The following CCDC88A variants were observed in gnomAD, a reference collection of about 807,000 sequenced individuals.
CCDC88A encodes girdin.
In CCDC88A, 54 loss-of-function variants were observed where a neutral mutation model predicts 234.3. That is an observed-to-expected ratio of 0.23 (90% CI 0.19 to 0.29). The LOEUF is 0.29. Ranked by LOEUF, CCDC88A falls within the 10% of genes least tolerant of loss-of-function variation. The probability of loss-of-function intolerance (pLI) is 1.00; values close to 1 mark genes in which losing one functional copy is unlikely to be tolerated. For synonymous variants in CCDC88A, 753 were observed against 737.8 expected (o/e 1.02, Z -0.33); for missense variants, 1,832 against 2,123.4 (o/e 0.86, Z 2.70).
intron 5 of CCDC88A, among the ~76,000 whole-genome samples, chr2:55,369,993 G>T (rs1330557265): frequency 6.6e-6 from 1 of 151,814 alleles, no homozygotes; most frequent in Non-Finnish European, 1.5e-5. Flanking sequence ...AACATTAAAA[G>T]AAAAAAATTA....
At chr2:55,390,636 G>A (rs907186100) in intron 2 of CCDC88A, among the ~76,000 whole-genome samples, 7 of 152,226 alleles carry the variant, frequency 4.6e-5, no homozygotes, top group African/African-American at 1.7e-4. Context: ...TGGACAGCAG[G>A]TAATGCAAAG....
At chr2:55,374,241 G>T (rs118146858) in intron 4 of CCDC88A, among the ~76,000 whole-genome samples, 2,485 of 152,218 alleles carry the variant, frequency 0.016, 37 homozygotes, top group East Asian at 0.067. Flanking sequence ...TGGTGACCAC[G>T]CCTATAATTC....
chr2:55,291,884 ACTGT>A (rs1679481168), intron 31 of CCDC88A, 109 bp from the exon 32 acceptor site: 6 of 687,588 alleles, frequency 8.7e-6, no homozygotes, highest in South Asian at 4.1e-5. Context: ...GGAATCTGTA[ACTGT>A]CTGGGAAAAT....
In CCDC88A at chr2:55,290,845, A is replaced by G. The variant is rs1018745937; in HGVS notation, c.*355T>C. ...AATTCATAAAACAAATGATGAAAAA[A>G]GCAGATTGTTCTTGGAGTACTTCTT... On this transcript the variant is annotated 3_prime_UTR_variant, in exon 33 of 33. Coordinates refer to ENST00000436346, the MANE Select transcript of CCDC88A (RefSeq NM_001365480.1). 2.6e-5 allele frequency: 4 copies of G among 152,576 alleles called. No individual in the cohort carries two copies. The highest frequency in any genetic ancestry group is 9.6e-5 in the African/African-American group (4 of 41,460). The allele number at this position is 152,576 out of a possible 1,614,324, so 9.5% of individuals were successfully genotyped here. A position where few individuals can be genotyped will look rare whatever the true frequency, so the allele number is the denominator to read the frequency against.
rs1680044273 is a variant in CCDC88A at position 55,296,481 on chromosome 2, C to T, written c.4868G>A (p.Ser1623Asn). 6 of 1,614,226 alleles carry T rather than the reference C, an allele frequency of 3.7e-6. No homozygotes were observed. The South Asian group carries it at 6.6e-5, about 18-fold the overall frequency. The part of the protein sequence containing the change: ...NNQSRPQSHS[S>N]GEFSLLHDHE... Reference sequence around the variant, plus strand: ...GTCATGAAGCAGGCTAAATTCTCCACTGCTGTGGCTTTGTGGCCTGCTTTG... The same window carrying T: ...GTCATGAAGCAGGCTAAATTCTCCATTGCTGTGGCTTTGTGGCCTGCTTTG... Residue 1623 changes from serine to asparagine, a missense_variant, in exon 30 of 33, where the codon AGT becomes AAT. Physicochemically the swap from Ser to Asn is conservative, Grantham distance 46. This residue lies in a region of CCDC88A where 422 missense variants were observed against 416.5 expected (regional missense o/e 1.01). Coordinates refer to ENST00000436346, the MANE Select transcript of CCDC88A (RefSeq NM_001365480.1).
At chr2:55,348,111 G>A (rs915171944) in intron 9 of CCDC88A, among the ~76,000 whole-genome samples, 2 of 151,780 alleles carry the variant, frequency 1.3e-5, no homozygotes, top group Non-Finnish European at 2.9e-5. Context: ...ACAGGCGAGT[G>A]CCCCATTACG....
intron 8 of CCDC88A, among the ~76,000 whole-genome samples, chr2:55,351,346 G>GT (rs150857084): frequency 0.037 from 5,569 of 150,204 alleles, 222 homozygotes; most frequent in Admixed American, 0.12. Flanking sequence ...TTTTTTTCAG[G>GT]TTTTTTTTTT....
At chr2:55,406,828 C>T (rs1679670679) in intron 2 of CCDC88A, among the ~76,000 whole-genome samples, 2 of 152,080 alleles carry the variant, frequency 1.3e-5, no homozygotes, top group South Asian at 4.1e-4. Flanking sequence ...GGTCCTTCAC[C>T]ACCCAGGGAA....
rs548156479 is a variant in CCDC88A, at chr2:55,328,147, T to C, written c.2997+147A>G. 67 of 658,030 alleles carry C rather than the reference T, an allele frequency of 1.0e-4. No individual in the cohort carries two copies. In the African/African-American group the frequency reaches 1.1e-3, roughly 11 times the overall value. The allele number at this position is 658,030 out of a possible 1,614,324, so 40.8% of individuals were successfully genotyped here. On this transcript the variant is annotated intron_variant, in intron 17 of 32. Coordinates refer to ENST00000436346, the MANE Select transcript of CCDC88A (RefSeq NM_001365480.1). This position sits in a 1 kb window ranked among gnomAD's most constrained non-coding sequence, Gnocchi z 4.3. ...CATATTCATATGACAGAGATCTGTT[T>C]AAGAATATTCTCAAGTTTATGAAAA...
chr2:55,344,546 C>G (rs964231039), intron 10 of CCDC88A, 32 bp from the exon 11 acceptor site: 2 of 1,268,350 alleles, frequency 1.6e-6, no homozygotes, highest in East Asian at 2.5e-5. Context: ...GTGTTAATAT[C>G]TGTTAATTTT....
At position 55,291,382 on chromosome 2, in the gene CCDC88A, T is replaced by C. The variant is rs561438543; in HGVS notation, c.*36-218A>G. 7 of 184,586 alleles carry C rather than the reference T, an allele frequency of 3.8e-5. No homozygotes were observed. The South Asian group carries it at 9.0e-4, about 24-fold the overall frequency. 11.4% of individuals were successfully genotyped at this position (184,586 alleles called of 1,614,324 possible). A position where few individuals can be genotyped will look rare whatever the true frequency, so the allele number is the denominator to read the frequency against. ...CAAGAAAACTGTGGGGAAGTTGTATTCCTACCACAAAAGGCTTCAAACTAA... is the reference window on the plus strand; with the variant it reads ...CAAGAAAACTGTGGGGAAGTTGTATCCCTACCACAAAAGGCTTCAAACTAA... On this transcript the variant is annotated intron_variant, in intron 32 of 32. Transcript: ENST00000436346.
At chr2:55,308,126 G>T (rs1482782898) in intron 25 of CCDC88A, 1 of 152,248 alleles carries the variant, frequency 6.6e-6, no homozygotes, top group East Asian at 1.9e-4. Flanking sequence ...GTAGAGACGG[G>T]GTTTCTCCAT....
chr2:55,356,279 T>C (rs1288553448), intron 7 of CCDC88A: 1 of 152,456 alleles, frequency 6.6e-6, no homozygotes, highest in Middle Eastern at 3.4e-3. Flanking sequence ...ATTAGTTTGC[T>C]GAGGATAATG....
Position 55,288,509 on chromosome 2 carries a change from T to TA in CCDC88A, c.*2690dup, listed in dbSNP as rs1409166658. ...TAAACCATTAAGACAGCACAGGCTG[T>TA]AGTACTTCATTGTGAGGTGGCTACA... is the stretch of plus-strand genomic sequence containing the variant. On this transcript the variant is annotated 3_prime_UTR_variant, in exon 33 of 33. Coordinates refer to ENST00000436346, the MANE Select transcript of CCDC88A (RefSeq NM_001365480.1). The TA allele has an allele frequency of 6.5e-6, 1 of 152,678 alleles. No homozygotes were observed. The highest frequency in any genetic ancestry group is 1.5e-5 in the Non-Finnish European group (1 of 68,038). 9.5% of individuals were successfully genotyped at this position (152,678 alleles called of 1,614,324 possible). A position where few individuals can be genotyped will look rare whatever the true frequency, so the allele number is the denominator to read the frequency against.
Position 55,346,709 on chromosome 2 carries a change from C to T in CCDC88A, c.883-376G>A, listed in dbSNP as rs575269374. On this transcript the variant is annotated intron_variant, in intron 9 of 32. Coordinates refer to ENST00000436346, the MANE Select transcript of CCDC88A (RefSeq NM_001365480.1). ...TGCTGGGATTACAGGCGTAAGCCAC[C>T]GCACTCGGCTGATAAATTTACTTTA... is the stretch of plus-strand genomic sequence containing the variant. Among the ~76,000 whole-genome samples, 20 of 152,186 alleles carry T rather than the reference C, an allele frequency of 1.3e-4. No individual in the cohort carries two copies. In the South Asian group the frequency reaches 1.9e-3, roughly 14 times the overall value.
rs935954760 is a variant in CCDC88A at position 55,317,088 on chromosome 2, C to A, written c.3746+118G>T. The A allele has an allele frequency of 1.2e-5, 4 of 337,188 alleles. No homozygotes were observed. Among genetic ancestry groups the A allele is most frequent in the African/African-American group, 8.7e-5 (4 of 46,154 alleles). The allele number at this position is 337,188 out of a possible 1,614,324, so 20.9% of individuals were successfully genotyped here. On this transcript the variant is annotated intron_variant, in intron 21 of 32. Coordinates refer to ENST00000436346, the MANE Select transcript of CCDC88A (RefSeq NM_001365480.1). The surrounding 1 kb of genome is among the most constrained non-coding windows in gnomAD (Gnocchi z 4.2). Reference sequence around the variant, plus strand: ...AACTATGCTTGGTACTACAAAGGGGCAGTATATAGTTTGGATGTAAGAAAT... The same window carrying A: ...AACTATGCTTGGTACTACAAAGGGGAAGTATATAGTTTGGATGTAAGAAAT...
chr2:55,401,470 A>ATATATGTGTGTG lies in CCDC88A; in HGVS notation c.165-12585_165-12584insCACACACATATA, dbSNP rs367863063. Among the ~76,000 whole-genome samples the ATATATGTGTGTG allele has an allele frequency of 6.3e-5, 2 of 31,502 alleles. 1 individual carries two copies. Among genetic ancestry groups the ATATATGTGTGTG allele is most frequent in the African/African-American group, 1.6e-4 (2 of 12,160 alleles). 20.7% of individuals were successfully genotyped at this position (31,502 alleles called of 152,430 possible). On this transcript the variant is annotated intron_variant, in intron 2 of 32. Transcript: ENST00000436346. ...AAAATATATATATATATATATACATATGTGTGTGTATGTATGTGTGTGTGT... is the reference window on the plus strand; with the variant it reads ...AAAATATATATATATATATATACATATATATGTGTGTGTGTGTGTGTATGTATGTGTGTGTGT...
chr2:55,339,815 CT>C (rs1195380488), intron 12 of CCDC88A, 167 bp from the exon 13 acceptor site: 9 of 527,286 alleles, frequency 1.7e-5, no homozygotes, highest in South Asian at 4.1e-5. Context: ...AGAAGTAAAT[CT>C]TTTTTTTCCT....
intron 29 of CCDC88A, among the ~76,000 whole-genome samples, chr2:55,298,519 C>T (rs1488451835): frequency 6.6e-6 from 1 of 152,042 alleles, no homozygotes; most frequent in African/African-American, 2.4e-5. Context: ...AAAATTACAA[C>T]TGAGACAAAA....
Sources: allele counts gnomAD v4.1 joint callset (sites outside exome capture counted in the v4.1 genomes callset), GRCh38; gene constraint gnomAD v4.1.1; regional missense constraint gnomAD v4.1.1; non-coding constraint Gnocchi (gnomAD v3.1); transcripts MANE v1.5; gene names NCBI Gene and HGNC (gene_info 2026-07-23, HGNC 2026-07-21).